The following FNDC3B variants were observed in gnomAD, a reference collection of about 807,000 sequenced individuals.
FNDC3B encodes fibronectin type III domain-containing protein 3B.
Under a neutral mutation model 151.5 loss-of-function variants are expected in FNDC3B, and 12 were observed. The ratio of observed to expected loss-of-function variants is 0.08; its 90% CI spans 0.05 to 0.13. The LOEUF is 0.13. FNDC3B is among the 10% of genes least tolerant of loss of function. The pLI is 1.00. For missense variants in FNDC3B, 1,214 were observed against 1,505.3 expected (o/e 0.81, Z 3.20); for synonymous variants, 528 against 549.0 (o/e 0.96, Z 0.54).
At chr3:172,134,472 T>C (rs1288944546) in intron 3 of FNDC3B, 1 of 482,330 alleles carries the variant, frequency 2.1e-6, no homozygotes, top group Non-Finnish European at 4.2e-6. Context: ...TGAACTGGAA[T>C]CTAATCTGAG....
chr3:172,122,122 A>G (rs1720581935), intron 2 of FNDC3B, among the ~76,000 whole-genome samples: 1 of 152,242 alleles, frequency 6.6e-6, no homozygotes, highest in Non-Finnish European at 1.5e-5. Flanking sequence ...AATCGTTTTC[A>G]TGTAGGCAGA....
chr3:172,230,507 A>G (rs1430283906), intron 4 of FNDC3B, among the ~76,000 whole-genome samples: 4 of 151,910 alleles, frequency 2.6e-5, no homozygotes, highest in Admixed American at 1.3e-4. Flanking sequence ...CTGTCTCAAA[A>G]AAAAAAAAAG....
At chr3:172,389,240 T>TA (rs1288053999) in intron 25 of FNDC3B, among the ~76,000 whole-genome samples, 8 of 152,176 alleles carry the variant, frequency 5.3e-5, no homozygotes, top group Non-Finnish European at 8.8e-5. Flanking sequence ...ACCATTTAGT[T>TA]AAAAAAATTG....
chr3:172,147,096 A>G (rs1365702435), intron 3 of FNDC3B, among the ~76,000 whole-genome samples: 1 of 152,154 alleles, frequency 6.6e-6, no homozygotes, highest in African/African-American at 2.4e-5. Context: ...ATTTGAGGTC[A>G]GGAGTTTGAG....
chr3:172,378,260 C>T lies in FNDC3B; in HGVS notation c.3009-10C>T, dbSNP rs1454809238. The T allele has an allele frequency of 6.4e-7, 1 of 1,565,666 alleles. No homozygotes were observed. The highest frequency in any genetic ancestry group is 2.1e-5 in the Admixed American group (1 of 48,500). Reference sequence around the variant, plus strand: ...TTCAGATGGCTAATTGATTCTGCTCCTTCTTCTAGGTTTATTTCAATCTAC... The same window carrying T: ...TTCAGATGGCTAATTGATTCTGCTCTTTCTTCTAGGTTTATTTCAATCTAC... On this transcript the variant is annotated splice_polypyrimidine_tract_variant and intron_variant, in intron 23 of 25. Transcript: ENST00000415807.
chr3:172,216,985 C>T (rs1726011930), intron 3 of FNDC3B, among the ~76,000 whole-genome samples: 3 of 152,168 alleles, frequency 2.0e-5, no homozygotes, highest in African/African-American at 7.2e-5. Context: ...TGCCTGACTC[C>T]ATGCTGAGAT....
intron 9 of FNDC3B, chr3:172,301,993 A>AT (rs1170903597): frequency 2.0e-5 from 3 of 152,180 alleles, no homozygotes; most frequent in Non-Finnish European, 2.9e-5. Context: ...AACAAGGTAC[A>AT]TTTTTTCTTC....
chr3:172,375,007 T>TA (rs11410934), intron 23 of FNDC3B, among the ~76,000 whole-genome samples: 146,163 of 152,266 alleles, frequency 0.96, 70,230 homozygotes, highest in East Asian at 0.99. Flanking sequence ...TTTCATAGTA[T>TA]AAAAATTGGT....
chr3:172,271,893 G>A (rs536282634), intron 6 of FNDC3B, among the ~76,000 whole-genome samples: 24 of 152,346 alleles, frequency 1.6e-4, no homozygotes, highest in African/African-American at 5.8e-4. Flanking sequence ...TCTTGGTTCA[G>A]AAGGCCTCCT....
chr3:172,156,041 C>T (rs527595265), intron 3 of FNDC3B, among the ~76,000 whole-genome samples: 17 of 152,184 alleles, frequency 1.1e-4, no homozygotes, highest in African/African-American at 4.1e-4. Flanking sequence ...TAAATGTATT[C>T]TTCAAATACA....
At chr3:172,323,519 T>TCA (rs985540534) in intron 11 of FNDC3B, among the ~76,000 whole-genome samples, 4 of 151,976 alleles carry the variant, frequency 2.6e-5, no homozygotes, top group East Asian at 1.9e-4. Flanking sequence ...ACCTTGTCTC[T>TCA]CACACACACA....
intron 22 of FNDC3B, 49 bp downstream of exon 22, chr3:172,353,132 A>G: frequency 6.4e-7 from 1 of 1,561,224 alleles, no homozygotes; most frequent in Non-Finnish European, 8.7e-7. Flanking sequence ...GCACTTGGGG[A>G]TCTAAGTAAA....
chr3:172,054,729 G>A (rs1716828849), intron 1 of FNDC3B, among the ~76,000 whole-genome samples: 1 of 152,044 alleles, frequency 6.6e-6, no homozygotes, highest in African/African-American at 2.4e-5. Context: ...GGGGGTAGGG[G>A]GTGCAGCACC....
At chr3:172,318,279 G>A (rs1731911906) in intron 11 of FNDC3B, among the ~76,000 whole-genome samples, 1 of 152,222 alleles carries the variant, frequency 6.6e-6, no homozygotes, top group East Asian at 1.9e-4. Context: ...CCATTAGCAG[G>A]TCAGGCCAGG....
rs189394528 is a variant in FNDC3B, at chr3:172,255,337, C to T, written c.790+3796C>T. On this transcript the variant is annotated intron_variant, in intron 6 of 25. Transcript: ENST00000415807. ...AGGCCGGAGTGCAATGGCGTGACCT[C>T]AGCTCACTGCAACCTCTGCCTCCCA... Among the ~76,000 whole-genome samples the T allele has an allele frequency of 1.0e-3, 159 of 152,268 alleles. 1 individual carries two copies. The Middle Eastern group carries it at 0.027, about 26-fold the overall frequency.
Position 172,251,500 on chromosome 3 carries a change from G to C in FNDC3B, c.749G>C (p.Arg250Pro), listed in dbSNP as rs779839447. ...CCCGGAATTAAGAAAACAGAGCGAC[G>C]AGCAAGAAGCAGCCCAAAGTCGAAT... is the stretch of plus-strand genomic sequence containing the variant. ...SGPGIKKTER[R>P]ARSSPKSNDS... Residue 250 changes from arginine (R) to proline (P), a missense_variant, in exon 6 of 26, where the codon CGA (arginine) becomes CCA (proline). Arg to Pro is a moderately radical substitution (Grantham distance 103). Transcript: ENST00000415807. 6.2e-7 allele frequency: 1 copy of C among 1,613,926 alleles called. No homozygotes were observed. Among genetic ancestry groups the C allele is most frequent in the Admixed American group, 1.7e-5 (1 of 60,012 alleles).
intron 1 of FNDC3B, among the ~76,000 whole-genome samples, chr3:172,083,979 A>ATT (rs879737542): frequency 6.6e-6 from 1 of 150,436 alleles, no homozygotes; most frequent in Admixed American, 6.6e-5. Context: ...AGTAAAGGAA[A>ATT]TTTTTTTTTT....
chr3:172,255,571 A>T (rs915313972), intron 6 of FNDC3B, among the ~76,000 whole-genome samples: 3 of 151,726 alleles, frequency 2.0e-5, no homozygotes, highest in African/African-American at 4.8e-5. Flanking sequence ...CGTCTGGCAA[A>T]TTTTTTTGTA....
chr3:172,215,987 C>G (rs562735699), intron 3 of FNDC3B, among the ~76,000 whole-genome samples: 1 of 147,598 alleles, frequency 6.8e-6, no homozygotes, highest in African/African-American at 2.6e-5. Flanking sequence ...CTGGGAACTC[C>G]GTCTTGAGTT....
Sources: allele counts gnomAD v4.1 joint callset (sites outside exome capture counted in the v4.1 genomes callset), GRCh38; gene constraint gnomAD v4.1.1; transcripts MANE v1.5; gene names NCBI Gene and HGNC (gene_info 2026-07-23, HGNC 2026-07-21).